Variants in FAM53A observed in about 807,000 individuals in gnomAD.
FAM53A encodes the protein family with sequence similarity 53 member A, also known as protein FAM53A.
A neutral mutation model predicts 26.6 loss-of-function variants in FAM53A; 28 were observed. The observed-to-expected ratio is 1.05, with a 90% CI of 0.78 to 1.45. The LOEUF (loss-of-function observed/expected upper bound fraction) is 1.45, where lower values mean the gene tolerates loss of function less well. Ranked by LOEUF, FAM53A falls within the 40% of genes most tolerant of loss-of-function variation. FAM53A has a pLI of 0.00. For missense variants in FAM53A, 650 were observed against 575.8 expected (o/e 1.13, Z -1.32); for synonymous variants, 290 against 253.1 (o/e 1.15, Z -1.38).
At chr4:1,614,900 G>A (rs759209741), downstream of FAM53A, among the ~76,000 whole-genome samples, 5 of 152,160 alleles carry the variant, frequency 3.3e-5, no homozygotes, top group Non-Finnish European at 7.4e-5. Flanking sequence ...GTCCTATGCT[G>A]ACGGACACCA....
chr4:1,625,319 C>G (rs868658428), intron 1 of FAM53A, among the ~76,000 whole-genome samples: 761 of 20,588 alleles, frequency 0.037, no homozygotes, highest in Middle Eastern at 0.05. Flanking sequence ...TCCCGGCCCA[C>G]GTGGTCAGGG....
At chr4:1,675,207 G>C (rs1005196083) in intron 1 of FAM53A, among the ~76,000 whole-genome samples, 8 of 152,200 alleles carry the variant, frequency 5.3e-5, no homozygotes. Context: ...TGGGAAGTGA[G>C]AGAAACCTGG....
chr4:1,584,730 G>A, the FAM53A span, among the ~76,000 whole-genome samples: 12 of 152,372 alleles, frequency 7.9e-5, no homozygotes, highest in African/African-American at 2.9e-4. Flanking sequence ...TGGCGGTCTT[G>A]AGACAGTCAG....
At chr4:1,622,937 G>A (rs966183830) in intron 1 of FAM53A, among the ~76,000 whole-genome samples, 2 of 152,242 alleles carry the variant, frequency 1.3e-5, no homozygotes, top group Non-Finnish European at 2.9e-5. Flanking sequence ...CTCACGCTTT[G>A]CCTGGGCCTC....
rs748063311 is a variant in FAM53A, at chr4:1,668,680, G to C, written c.62C>G (p.Ala21Gly). The change falls in exon 2 of 5, where the codon GCG becomes GGG. Residue 21 changes from alanine to glycine, a missense_variant. Ala to Gly is a moderately conservative substitution (Grantham distance 60). Transcript: ENST00000308132. ...SQSLDDLTCK[A>G]EAGPLQYSAE... ...GCAGCTGCTTACCGGGCCAGCCTCC[G>C]CCTTGCAGGTGAGGTCGTCCAGGCT... 1.9e-6 allele frequency: 3 copies of C among 1,614,142 alleles called. No individual in the cohort carries two copies. Among genetic ancestry groups the C allele is most frequent in the Non-Finnish European group, 2.5e-6 (3 of 1,180,026 alleles).
chr4:1,638,906 G>A (rs1439920438), downstream of FAM53A, among the ~76,000 whole-genome samples: 1 of 152,208 alleles, frequency 6.6e-6, no homozygotes, highest in East Asian at 1.9e-4. Context: ...CCCAAACCTG[G>A]GTCACCATCC....
chr4:1,580,057 T>C, the FAM53A span: 12 of 152,390 alleles, frequency 7.9e-5, no homozygotes, highest in Non-Finnish European at 1.3e-4. Flanking sequence ...GAGAAGCTAT[T>C]TGTGCTGGTG....
intron 1 of FAM53A, among the ~76,000 whole-genome samples, chr4:1,625,664 C>T (rs538899755): frequency 1.5e-5 from 2 of 136,134 alleles, no homozygotes; most frequent in South Asian, 2.5e-4. Context: ...TCCCGACCCA[C>T]GTGGTCAGGG....
chr4:1,586,782 CAAAA>C, the FAM53A span, among the ~76,000 whole-genome samples: 1 of 109,578 alleles, frequency 9.1e-6, no homozygotes, highest in Non-Finnish European at 1.8e-5. Flanking sequence ...GACTCCGTCT[CAAAA>C]AAAAAAAAAA....
At chr4:1,655,928 C>T (rs896442209) in intron 3 of FAM53A, among the ~76,000 whole-genome samples, 1 of 152,182 alleles carries the variant, frequency 6.6e-6, no homozygotes, top group Non-Finnish European at 1.5e-5. Context: ...GGGCTCGGCT[C>T]ACTTCTTAAA....
downstream of FAM53A, among the ~76,000 whole-genome samples, chr4:1,616,516 C>T (rs538605163): frequency 5.3e-5 from 8 of 152,328 alleles, no homozygotes; most frequent in East Asian, 5.8e-4. Context: ...AGCGAGACTC[C>T]GTCTCACGTC....
the FAM53A span, among the ~76,000 whole-genome samples, chr4:1,593,908 G>A: frequency 6.6e-6 from 1 of 152,170 alleles, no homozygotes; most frequent in African/African-American, 2.4e-5. Flanking sequence ...CACAAAGGAC[G>A]GGGCAGGGTA....
chr4:1,606,125 G>A, the FAM53A span, among the ~76,000 whole-genome samples: 13,689 of 148,958 alleles, frequency 0.092, 691 homozygotes, highest in Middle Eastern at 0.17. Flanking sequence ...TGCAAGCTCC[G>A]CCTCCCGGGT....
At chr4:1,669,438 G>C (rs968979445) in intron 1 of FAM53A, among the ~76,000 whole-genome samples, 4 of 152,224 alleles carry the variant, frequency 2.6e-5, no homozygotes, top group African/African-American at 9.6e-5. Context: ...GAGGGCTCAG[G>C]GGGTCTTTCA....
At chr4:1,673,232 T>C (rs1288846284) in intron 1 of FAM53A, among the ~76,000 whole-genome samples, 2 of 152,148 alleles carry the variant, frequency 1.3e-5, no homozygotes, top group African/African-American at 4.8e-5. Context: ...CACGTGACCC[T>C]GGGTCAGAAA....
chr4:1,682,324 G>A (rs548062596), intron 1 of FAM53A, among the ~76,000 whole-genome samples: 6 of 145,944 alleles, frequency 4.1e-5, no homozygotes, highest in Non-Finnish European at 1.5e-5. Flanking sequence ...GTGCAGTGGC[G>A]CCATCTTGGC....
intron 2 of FAM53A, among the ~76,000 whole-genome samples, chr4:1,664,623 A>G (rs1463091964): frequency 6.6e-6 from 1 of 152,218 alleles, no homozygotes; most frequent in African/African-American, 2.4e-5. Context: ...CGTGTAAACA[A>G]TCTATCACTG....
At chr4:1,634,209 T>A (rs1715738372) in intron 1 of FAM53A, among the ~76,000 whole-genome samples, 1 of 152,166 alleles carries the variant, frequency 6.6e-6, no homozygotes, top group Non-Finnish European at 1.5e-5. Flanking sequence ...AGGAGGTGTC[T>A]AAGCTGCTTC....
chr4:1,651,534 A>T (rs1201235298), intron 4 of FAM53A, among the ~76,000 whole-genome samples: 3 of 22,340 alleles, frequency 1.3e-4, no homozygotes, highest in South Asian at 1.0e-3. Flanking sequence ...TTCTGTCTTA[A>T]AAAAAAAAAA....
Sources: gnomAD v4.1 joint callset for allele counts (sites outside exome capture counted in the v4.1 genomes callset) on GRCh38, gnomAD v4.1.1 for gene constraint, MANE v1.5 for transcripts, NCBI Gene and HGNC (gene_info 2026-07-23, HGNC 2026-07-21) for gene names.